The following ZNF827 variants were observed in gnomAD, a reference collection of about 807,000 sequenced individuals.
The protein encoded by ZNF827 is zinc finger protein 827.
A neutral mutation model predicts 102.4 loss-of-function variants in ZNF827; 13 were observed. The ratio of observed to expected loss-of-function variants is 0.13; its 90% confidence interval spans 0.08 to 0.20. The LOEUF (loss-of-function observed/expected upper bound fraction) is 0.20, where lower values mean the gene tolerates loss of function less well. Among genes scored for constraint, ZNF827 ranks in the 10% least tolerant of loss-of-function variants. The pLI is 1.00. For synonymous variants in ZNF827, 523 were observed against 536.2 expected (o/e 0.98, Z 0.34); for missense variants, 1,103 against 1,344.4 (o/e 0.82, Z 2.81).
Position 145,870,358 on chromosome 4 carries a change from A to C in ZNF827, c.1868T>G (p.Val623Gly). 6.2e-7 allele frequency: 1 copy of C among 1,614,138 alleles called. No homozygotes were observed. The highest frequency in any genetic ancestry group is 8.5e-7 in the Non-Finnish European group (1 of 1,180,010). Residue 623 changes from valine (V) to glycine (G), a missense_variant, in exon 5 of 15, where the codon GTG becomes GGG. Val to Gly is a moderately radical substitution (Grantham distance 109). Transcript: ENST00000508784. The stretch of plus-strand genomic sequence containing the variant: ...GTCCTCAGAGACGCCTGGGGCTGAC[A>C]CTTCAGATTCCGGGCTGAACACATA... ...SSYVFSPESEVSAPGVSEDAL... is the reference protein window; with the variant it reads ...SSYVFSPESEGSAPGVSEDAL...
At chr4:145,886,536 T>C (rs533395266) in intron 3 of ZNF827, among the ~76,000 whole-genome samples, 3 of 152,302 alleles carry the variant, frequency 2.0e-5, no homozygotes, top group Non-Finnish European at 4.4e-5. Context: ...ACCTGTCAAG[T>C]AATTCCTCTC....
At chr4:145,837,693 CT>C (rs1744994896) in intron 7 of ZNF827, among the ~76,000 whole-genome samples, 1 of 152,182 alleles carries the variant, frequency 6.6e-6, no homozygotes, top group Non-Finnish European at 1.5e-5. Flanking sequence ...GCCGAATCTC[CT>C]TAAGCACTCT....
chr4:145,937,267 G>A (rs1286804284), intron 1 of ZNF827, among the ~76,000 whole-genome samples: 1 of 151,850 alleles, frequency 6.6e-6, no homozygotes, highest in African/African-American at 2.4e-5. Flanking sequence ...CGTGCCGGCG[G>A]GTGTGTGTCT....
chr4:145,850,302 G>A (rs896322041), intron 5 of ZNF827, among the ~76,000 whole-genome samples: 2 of 152,062 alleles, frequency 1.3e-5, no homozygotes, highest in Non-Finnish European at 1.5e-5. Flanking sequence ...GAGCCACTGC[G>A]CCCGGCCTCT....
In ZNF827 at chr4:145,902,296, C is replaced by T. The variant is rs751523243; in HGVS notation, c.963G>A (p.Glu321=). The part of the protein sequence containing the change: ...PEDPLPPPPS[E]KKPEKVTPPP... Reference sequence around the variant, plus strand: ...GCGGAGTGACTTTTTCTGGTTTCTTCTCTGAAGGCGGGGGCGGTAGAGGGT... The same window carrying T: ...GCGGAGTGACTTTTTCTGGTTTCTTTTCTGAAGGCGGGGGCGGTAGAGGGT... Residue 321 remains glutamate, a synonymous_variant, in exon 2 of 15, where the codon GAG becomes GAA. Coordinates refer to ENST00000508784, the MANE Select transcript of ZNF827 (RefSeq NM_001306215.2). The surrounding 1 kb of genome is among the most constrained non-coding windows in gnomAD (Gnocchi z 4.3). 6.3e-6 allele frequency: 10 copies of T among 1,592,138 alleles called. No individual in the cohort carries two copies. The South Asian group carries it at 1.0e-4, about 17-fold the overall frequency.
At chr4:145,776,727 T>C (rs76201649) in intron 9 of ZNF827, among the ~76,000 whole-genome samples, 1 of 152,108 alleles carries the variant, frequency 6.6e-6, no homozygotes, top group African/African-American at 2.4e-5. Context: ...TCATTTTCCC[T>C]AAGCTCCTGG....
In ZNF827 at chr4:145,902,135, T is replaced by C; in HGVS notation, c.1093+31A>G. The C allele has an allele frequency of 3.2e-6, 5 of 1,557,152 alleles. No homozygotes were observed. Among genetic ancestry groups the C allele is most frequent in the Non-Finnish European group, 4.3e-6 (5 of 1,157,408 alleles). On this transcript the variant is annotated intron_variant, in intron 2 of 14. Coordinates refer to ENST00000508784, the MANE Select transcript of ZNF827 (RefSeq NM_001306215.2). This position sits in a 1 kb window ranked among gnomAD's most constrained non-coding sequence, Gnocchi z 4.3. ...ATCGCAGTTTATAGTCTAAAGGACT[T>C]ACACGATGATTGAAAGAAAAGATGC... is the stretch of plus-strand genomic sequence containing the variant.
chr4:145,768,967 G>C (rs372532624), intron 11 of ZNF827, among the ~76,000 whole-genome samples: 1 of 132,588 alleles, frequency 7.5e-6, no homozygotes, highest in Non-Finnish European at 1.6e-5. Context: ...TACATCTAGA[G>C]TGTAAAATTA....
intron 1 of ZNF827, among the ~76,000 whole-genome samples, chr4:145,920,697 TCTTAA>T (rs1365471731): frequency 2.0e-5 from 3 of 152,236 alleles, no homozygotes. Flanking sequence ...TGTGACCCAG[TCTTAA>T]CTTCTTTGTT....
chr4:145,763,156 T>C lies in ZNF827; in HGVS notation c.3231-34A>G, dbSNP rs1349897161. On this transcript the variant is annotated intron_variant, in intron 13 of 14. Coordinates refer to ENST00000508784, the MANE Select transcript of ZNF827 (RefSeq NM_001306215.2). This position sits in a 1 kb window ranked among gnomAD's most constrained non-coding sequence, Gnocchi z 4.6. ...AAAGAAAAATAATAGTATAATCTTA[T>C]TTGATCTGCATTATGAACAGGATAT... 1.2e-5 allele frequency: 19 copies of C among 1,535,134 alleles called. No individual in the cohort carries two copies. Among genetic ancestry groups the C allele is most frequent in the Non-Finnish European group, 1.7e-5 (19 of 1,146,218 alleles).
intron 7 of ZNF827, among the ~76,000 whole-genome samples, chr4:145,834,603 G>A (rs993084980): frequency 5.3e-5 from 8 of 152,116 alleles, no homozygotes; most frequent in African/African-American, 1.9e-4. Context: ...TAAAGGCATA[G>A]TCAAGGTTAA....
intron 8 of ZNF827, among the ~76,000 whole-genome samples, chr4:145,788,079 C>T (rs2127035116): frequency 6.6e-6 from 1 of 152,308 alleles, no homozygotes; most frequent in East Asian, 1.9e-4. Context: ...AGTCTGCCTG[C>T]TCCTCTAAGC....
intron 11 of ZNF827, among the ~76,000 whole-genome samples, chr4:145,766,687 G>A (rs1442343056): frequency 6.6e-6 from 1 of 152,186 alleles, no homozygotes; most frequent in Admixed American, 6.5e-5. Context: ...TCAGAGCACG[G>A]GGGTGAAGAG....
Position 145,849,281 on chromosome 4 carries a change from A to G in ZNF827, c.2221+41T>C, listed in dbSNP as rs371391230. 2.4e-4 allele frequency: 376 copies of G among 1,593,050 alleles called. No homozygotes were observed. In the African/African-American group the frequency reaches 4.8e-3, roughly 20 times the overall value. ...ACTGTGTTAGAAGGGTTTTCCTTCA[A>G]TGATTTCCAATAATTGACATTTTCC... On this transcript the variant is annotated intron_variant, in intron 6 of 14. Transcript: ENST00000508784.
chr4:145,811,633 G>A (rs1285785806), intron 8 of ZNF827, among the ~76,000 whole-genome samples: 3 of 152,138 alleles, frequency 2.0e-5, no homozygotes, highest in Non-Finnish European at 2.9e-5. Flanking sequence ...GAAAAACCAC[G>A]CACAATTTTT....
At chr4:145,880,140 C>A (rs1351001223) in intron 4 of ZNF827, among the ~76,000 whole-genome samples, 1 of 152,150 alleles carries the variant, frequency 6.6e-6, no homozygotes, top group African/African-American at 2.4e-5. Flanking sequence ...GAGGCTGAGG[C>A]AGGAGAATAG....
At chr4:145,890,935 C>T (rs1189384944) in intron 3 of ZNF827, among the ~76,000 whole-genome samples, 1 of 152,168 alleles carries the variant, frequency 6.6e-6, no homozygotes, top group Non-Finnish European at 1.5e-5. Flanking sequence ...CAAGCTATTT[C>T]CTAAAGTCAG....
chr4:145,855,418 C>T (rs1001905206), intron 5 of ZNF827, among the ~76,000 whole-genome samples: 3 of 152,136 alleles, frequency 2.0e-5, no homozygotes, highest in East Asian at 1.9e-4. Context: ...TCCTGCAGGT[C>T]TTAGGATTGA....
Position 145,870,277 on chromosome 4 carries a change from T to C in ZNF827, c.1949A>G (p.Lys650Arg), listed in dbSNP as rs568754682. The C allele has an allele frequency of 2.5e-6, 4 of 1,614,002 alleles. No individual in the cohort carries two copies. Among genetic ancestry groups the C allele is most frequent in the East Asian group, 2.2e-5 (1 of 44,888 alleles). The change falls in exon 5 of 15, where the codon AAA becomes AGA. Residue 650 changes from lysine to arginine, a missense_variant. Around this residue, in one of 5 missense-constraint regions of ZNF827, gnomAD observed 243 missense variants for 251.6 expected, o/e 0.97. Coordinates refer to ENST00000508784, the MANE Select transcript of ZNF827 (RefSeq NM_001306215.2). ...GSVLRRDVSVKAASELLMKLS... is the reference protein window; with the variant it reads ...GSVLRRDVSVRAASELLMKLS... ...TTTCATGAGAAGTTCAGAGGCTGCTTTGACTGACACATCCCGCCTTAGCAC... is the reference window on the plus strand; with the variant it reads ...TTTCATGAGAAGTTCAGAGGCTGCTCTGACTGACACATCCCGCCTTAGCAC...
Sources: allele counts gnomAD v4.1 joint callset (sites outside exome capture counted in the v4.1 genomes callset), GRCh38; gene constraint gnomAD v4.1.1; regional missense constraint gnomAD v4.1.1; non-coding constraint Gnocchi (gnomAD v3.1); transcripts MANE v1.5; gene names NCBI Gene and HGNC (gene_info 2026-07-23, HGNC 2026-07-21).